The following CTNNA2 variants were observed in gnomAD, a reference collection of about 807,000 sequenced individuals.
CTNNA2 encodes the protein catenin alpha-2.
Under a neutral mutation model 101.0 loss-of-function variants are expected in CTNNA2, and 42 were observed. The observed-to-expected ratio is 0.42, with a 90% confidence interval of 0.32 to 0.54. The LOEUF (loss-of-function observed/expected upper bound fraction) is 0.54, where lower values mean the gene tolerates loss of function less well. Among genes scored for constraint, CTNNA2 ranks in the 20% least tolerant of loss-of-function variants. The pLI, the probability that CTNNA2 is intolerant of heterozygous loss-of-function variation, is 0.14. For synonymous variants in CTNNA2, 450 were observed against 456.4 expected (o/e 0.99, Z 0.18); for missense variants, 871 against 1,223.1 (o/e 0.71, Z 4.29).
intron 2 of CTNNA2, among the ~76,000 whole-genome samples, chr2:79,305,640 C>T (rs996418454): frequency 5.3e-5 from 8 of 151,936 alleles, no homozygotes; most frequent in African/African-American, 1.7e-4. Context: ...TTTTCTGAAA[C>T]CTACCAATGT....
At chr2:79,754,461 C>T (rs1166156471) in intron 3 of CTNNA2, among the ~76,000 whole-genome samples, 1 of 152,106 alleles carries the variant, frequency 6.6e-6, no homozygotes, top group African/African-American at 2.4e-5. Flanking sequence ...CCAGGAAGCT[C>T]CCTCTGTCAC....
At chr2:80,020,279 A>G (rs892250899) in intron 7 of CTNNA2, among the ~76,000 whole-genome samples, 2 of 152,222 alleles carry the variant, frequency 1.3e-5, no homozygotes, top group South Asian at 2.1e-4. Flanking sequence ...TGCTATGCCA[A>G]TCAAAGGCCT....
chr2:80,012,632 A>G (rs1047124647), intron 7 of CTNNA2, among the ~76,000 whole-genome samples: 5 of 152,208 alleles, frequency 3.3e-5, no homozygotes, highest in Non-Finnish European at 5.9e-5. Flanking sequence ...GAGCATAGCT[A>G]TGTTTAAATA....
Position 79,783,946 on chromosome 2 carries a change from A to T in CTNNA2, c.298+39364A>T, listed in dbSNP as rs188143323. 1.1e-3 allele frequency among the ~76,000 whole-genome samples: 172 copies of T among 152,340 alleles called. 1 individual carries two copies. Among genetic ancestry groups the T allele is most frequent in the African/African-American group, 4.0e-3 (165 of 41,574 alleles). ...CATTTCACAGCAGCTTCTTGCCAAG[A>T]AGAAACCTATGTATTTTGAAGTTCT... On this transcript the variant is annotated intron_variant, in intron 3 of 18. Coordinates refer to ENST00000402739, the MANE Select transcript of CTNNA2 (RefSeq NM_001282597.3).
intron 1 of CTNNA2, among the ~76,000 whole-genome samples, chr2:79,191,898 A>G (rs1673876648): frequency 6.6e-6 from 1 of 152,136 alleles, no homozygotes; most frequent in Non-Finnish European, 1.5e-5. Context: ...AAAATGTGAA[A>G]TGGAGGACGC....
chr2:79,875,419 T>A (rs1279222101), intron 6 of CTNNA2, among the ~76,000 whole-genome samples: 1 of 152,176 alleles, frequency 6.6e-6, no homozygotes, highest in Non-Finnish European at 1.5e-5. Context: ...ACCATTTAAT[T>A]GATAAAACAC....
chr2:79,196,842 A>T (rs893311841), intron 1 of CTNNA2, among the ~76,000 whole-genome samples: 1 of 152,200 alleles, frequency 6.6e-6, no homozygotes, highest in African/African-American at 2.4e-5. Flanking sequence ...GTGTGTGATC[A>T]GCTGTTTTGT....
At chr2:80,623,949 TGTG>T (rs1459854167) in intron 18 of CTNNA2, among the ~76,000 whole-genome samples, 1 of 151,596 alleles carries the variant, frequency 6.6e-6, no homozygotes, top group African/African-American at 2.4e-5. Flanking sequence ...TGGTTTAAAT[TGTG>T]GTTAAGCATG....
chr2:79,767,750 G>A (rs1395855070), intron 3 of CTNNA2, among the ~76,000 whole-genome samples: 1 of 151,938 alleles, frequency 6.6e-6, no homozygotes, highest in East Asian at 2.0e-4. Flanking sequence ...GGCCTGGAAC[G>A]GGCACCTCAT....
chr2:80,604,163 G>T lies in CTNNA2; in HGVS notation c.2279G>T (p.Arg760Leu). Residue 760 changes from arginine (R) to leucine (L), a missense_variant, in exon 16 of 19, where the codon CGT (arginine) becomes CTT (leucine). Arg to Leu is a moderately radical substitution (Grantham distance 102). This residue lies in a region of CTNNA2 where 93 missense variants were observed against 223.7 expected (regional missense o/e 0.42). Coordinates refer to ENST00000402739, the MANE Select transcript of CTNNA2 (RefSeq NM_001282597.3). ...EAGSRMDKLA[R>L]AVADQCPDSA... Reference sequence around the variant, plus strand: ...GGTTCTCGAATGGACAAATTAGCTCGTGCTGTGGCTGATCAGGTAATAGAA... The same window carrying T: ...GGTTCTCGAATGGACAAATTAGCTCTTGCTGTGGCTGATCAGGTAATAGAA... 2.5e-6 allele frequency: 4 copies of T among 1,612,744 alleles called. No homozygotes were observed. Among genetic ancestry groups the T allele is most frequent in the Non-Finnish European group, 2.5e-6 (3 of 1,179,250 alleles).
At chr2:79,492,122 T>C (rs1041000762) in intron 4 of CTNNA2, among the ~76,000 whole-genome samples, 1 of 152,156 alleles carries the variant, frequency 6.6e-6, no homozygotes, top group Admixed American at 6.5e-5. Context: ...TGATATTGTA[T>C]GTACCTATAA....
At chr2:79,379,709 C>T (rs1678018374) in intron 4 of CTNNA2, among the ~76,000 whole-genome samples, 1 of 152,066 alleles carries the variant, frequency 6.6e-6, no homozygotes, top group Non-Finnish European at 1.5e-5. Flanking sequence ...AATACAAATC[C>T]TAAAAGTCCT....
chr2:80,149,144 T>C (rs1010826288), intron 7 of CTNNA2, among the ~76,000 whole-genome samples: 3 of 151,800 alleles, frequency 2.0e-5, no homozygotes, highest in African/African-American at 7.3e-5. Context: ...GGAATTCTCC[T>C]GACTCAACCT....
intron 7 of CTNNA2, among the ~76,000 whole-genome samples, chr2:80,182,549 A>G (rs918225043): frequency 5.3e-5 from 8 of 152,166 alleles, no homozygotes; most frequent in African/African-American, 1.9e-4. Flanking sequence ...TCTGATGGGG[A>G]AGGACAAAAA....
At chr2:79,824,358 C>T (rs73941324) in intron 3 of CTNNA2, among the ~76,000 whole-genome samples, 2 of 151,728 alleles carry the variant, frequency 1.3e-5, no homozygotes, top group Non-Finnish European at 3.0e-5. Context: ...AGTAGTTGTA[C>T]AAGCCAATAA....
intron 9 of CTNNA2, among the ~76,000 whole-genome samples, chr2:80,455,510 A>G (rs994443021): frequency 1.3e-5 from 2 of 152,206 alleles, no homozygotes; most frequent in Non-Finnish European, 2.9e-5. Context: ...TCTCCACGGC[A>G]TTAGGTCTCC....
chr2:80,085,919 A>G (rs1699412612), intron 7 of CTNNA2, among the ~76,000 whole-genome samples: 1 of 152,034 alleles, frequency 6.6e-6, no homozygotes, highest in South Asian at 2.1e-4. Context: ...CACAAAATTC[A>G]AATTGATCTT....
rs142712498 is a variant in CTNNA2 at position 79,195,762 on chromosome 2, A to G, written c.-523-2197A>G. On this transcript the variant is annotated intron_variant, in intron 1 of 21. Coordinates refer to the CTNNA2 transcript ENST00000466387. ...GATGTGTCATATCATCTGAAAAAGG[A>G]GCAAGTTTTATCATCTCAGAATCCT... is the stretch of plus-strand genomic sequence containing the variant. The G allele has an allele frequency of 2.1e-3, 1,054 of 491,178 alleles. 7 individuals are homozygous for G. The highest frequency in any genetic ancestry group is 0.019 in the African/African-American group (958 of 51,056). 30.4% of individuals were successfully genotyped at this position (491,178 alleles called of 1,614,324 possible).
chr2:79,550,223 T>C lies in CTNNA2; in HGVS notation c.-6+37016T>C, dbSNP rs147449502. Reference sequence around the variant, plus strand: ...CCTTTATGATCTTCAGCTGATACCCTTGGGAGTTCTGGAGACGAAATGATT... The same window carrying C: ...CCTTTATGATCTTCAGCTGATACCCCTGGGAGTTCTGGAGACGAAATGATT... On this transcript the variant is annotated intron_variant, in intron 1 of 18. Transcript: ENST00000402739. 8.1e-4 allele frequency among the ~76,000 whole-genome samples: 123 copies of C among 152,326 alleles called. 1 individual carries two copies. The highest frequency in any genetic ancestry group is 2.9e-3 in the African/African-American group (119 of 41,572).
Sources: gnomAD v4.1 joint callset for allele counts (sites outside exome capture counted in the v4.1 genomes callset) on GRCh38, gnomAD v4.1.1 for gene constraint, gnomAD v4.1.1 regional missense constraint, MANE v1.5 for transcripts, NCBI Gene and HGNC (gene_info 2026-07-23, HGNC 2026-07-21) for gene names.